The following TNS1 variants were observed in gnomAD, a reference collection of about 807,000 sequenced individuals.
TNS1 encodes the protein tensin 1.
A neutral mutation model predicts 168.6 loss-of-function variants in TNS1; 62 were observed. That is an observed-to-expected ratio of 0.37 (90% confidence interval 0.30 to 0.45). The LOEUF (loss-of-function observed/expected upper bound fraction) is 0.45. Among genes scored for constraint, TNS1 ranks in the 20% least tolerant of loss-of-function variants. The probability of loss-of-function intolerance (pLI) is 1.00; values close to 1 mark genes in which losing one functional copy is unlikely to be tolerated. For missense variants in TNS1, 2,240 were observed against 2,339.4 expected (o/e 0.96, Z 0.88); for synonymous variants, 934 against 933.2 (o/e 1.00, Z -0.02).
chr2:217,997,383 G>T (rs1282166421), intron 1 of TNS1, among the ~76,000 whole-genome samples: 1 of 152,126 alleles, frequency 6.6e-6, no homozygotes, highest in Non-Finnish European at 1.5e-5. Context: ...ATCCTGAACT[G>T]CCTTTAGTGG....
intron 1 of TNS1, among the ~76,000 whole-genome samples, chr2:218,002,591 T>A (rs918190528): frequency 9.5e-4 from 4 of 4,194 alleles, no homozygotes; most frequent in Admixed American, 6.4e-3. Flanking sequence ...CATTGGGGGG[T>A]GGGGGGGTGG....
chr2:217,803,436 G>C lies in TNS1; in HGVS notation c.*1023C>G, dbSNP rs1209343909. 2 of 152,372 alleles carry C rather than the reference G, an allele frequency of 1.3e-5. No homozygotes were observed. Among genetic ancestry groups the C allele is most frequent in the Non-Finnish European group, 2.9e-5 (2 of 68,164 alleles). 9.4% of individuals were successfully genotyped at this position (152,372 alleles called of 1,614,324 possible). A position where few individuals can be genotyped will look rare whatever the true frequency, so the allele number is the denominator to read the frequency against. The stretch of plus-strand genomic sequence containing the variant: ...AAGGCAGAGTCCAGGGCCCCAGCAG[G>C]AGCAACTTGCCTTTCTTGCTGCTGA... On this transcript the variant is annotated 3_prime_UTR_variant, in exon 33 of 33. Transcript: ENST00000682258.
At chr2:217,850,879 G>A (rs542129723) in intron 18 of TNS1, among the ~76,000 whole-genome samples, 6 of 152,202 alleles carry the variant, frequency 3.9e-5, no homozygotes, top group South Asian at 4.2e-4. Context: ...AGTGACCACC[G>A]TGCAGTGAGC....
chr2:217,909,060 C>G (rs1382432215), intron 4 of TNS1, among the ~76,000 whole-genome samples: 1 of 148,984 alleles, frequency 6.7e-6, no homozygotes, highest in Non-Finnish European at 1.5e-5. Flanking sequence ...GCCAACAACC[C>G]AGCCCCACCC....
chr2:217,920,986 A>G (rs1575084811), intron 3 of TNS1, among the ~76,000 whole-genome samples: 2 of 110,212 alleles, frequency 1.8e-5, no homozygotes, highest in South Asian at 6.8e-4. Flanking sequence ...AGTAGAGGGG[A>G]GGGAGGGAGA....
rs1476320981 is a variant in TNS1, at chr2:217,995,576, T to C, written c.34-4520A>G. 6.6e-6 allele frequency among the ~76,000 whole-genome samples: 1 copy of C among 152,118 alleles called. No homozygotes were observed. ...GAGGATGTAAACAAGCCCCAAAAAG[T>C]GCAAAGTGCTTTTCAAGGGTAGTGG... On this transcript the variant is annotated intron_variant, in intron 1 of 32. Coordinates refer to ENST00000682258, the MANE Select transcript of TNS1 (RefSeq NM_001387777.1). The surrounding 1 kb of genome is among the most constrained non-coding windows in gnomAD (Gnocchi z 4.1).
chr2:218,016,402 C>T (rs994546610), intron 1 of TNS1, among the ~76,000 whole-genome samples: 2 of 152,180 alleles, frequency 1.3e-5, no homozygotes, highest in Admixed American at 1.3e-4. Context: ...ACTTCAGGTC[C>T]ATCTATCCAG....
In TNS1 at chr2:217,951,293, A is replaced by G. The variant is rs376804197; in HGVS notation, c.186+27472T>C. The stretch of plus-strand genomic sequence containing the variant: ...CTCCCCAGACATTCTCCTCCTTCAA[A>G]GAAGCCGTCACCACCCCCATCCCAG... On this transcript the variant is annotated intron_variant, in intron 3 of 32. Coordinates refer to ENST00000682258, the MANE Select transcript of TNS1 (RefSeq NM_001387777.1). 7.9e-5 allele frequency among the ~76,000 whole-genome samples: 12 copies of G among 152,256 alleles called. No individual in the cohort carries two copies. In the South Asian group the frequency reaches 1.5e-3, roughly 18 times the overall value.
Position 217,911,106 on chromosome 2 carries a change from C to T in TNS1, c.229-3855G>A, listed in dbSNP as rs879712686. Among the ~76,000 whole-genome samples the T allele has an allele frequency of 6.6e-5, 10 of 152,290 alleles. No homozygotes were observed. In the East Asian group the frequency reaches 9.7e-4, roughly 15 times the overall value. On this transcript the variant is annotated intron_variant, in intron 4 of 32. Transcript: ENST00000682258. ...ACAGACAGACCCCTATGTCTGTCTC[C>T]ACCCACTGCCCAGTCCCAGGACAAA...
In TNS1 at chr2:217,919,848, C is replaced by T. The variant is rs577314338; in HGVS notation, c.228+347G>A. Among the ~76,000 whole-genome samples, 6 of 152,298 alleles carry T rather than the reference C, an allele frequency of 3.9e-5. No individual in the cohort carries two copies. The South Asian group carries it at 6.2e-4, about 16-fold the overall frequency. ...GCCTCCAGCCCCAGGGTGCCTGACC[C>T]GGGACCAGGCAGGCAGAAGGAGATG... On this transcript the variant is annotated intron_variant, in intron 4 of 32. Transcript: ENST00000682258.
intron 2 of TNS1, 140 bp downstream of exon 2, chr2:217,990,802 A>T (rs1179965868): frequency 3.2e-6 from 1 of 312,734 alleles, no homozygotes; most frequent in African/African-American, 2.2e-5. Flanking sequence ...TGAGCTCAGC[A>T]TCCTCCACCA....
chr2:217,891,093 A>G (rs545501962), intron 11 of TNS1, 48 bp from the exon 12 acceptor site: 49 of 1,601,940 alleles, frequency 3.1e-5, no homozygotes, highest in Non-Finnish European at 3.7e-5. Flanking sequence ...TGCATCCAAG[A>G]GCCGCTTGTT....
rs1170588432 is a variant in TNS1, at chr2:217,818,548, G to T, written c.3784C>A (p.Pro1262Thr). ...AACTGAGCTCGAGCCTGGCTTTCCG[G>T]AGAGGAGCTGAAATGCTGAAGTGAG... ...DYSLQHFSSS[P>T]ESQARAQFSV... is the part of the protein sequence containing the mutation. The change falls in exon 24 of 33, where the codon CCG becomes ACG. Residue 1262 changes from proline to threonine, a missense_variant. Around this residue, in one of 2 missense-constraint regions of TNS1, gnomAD observed 2,131 missense variants for 2,171.2 expected, o/e 0.98. Coordinates refer to ENST00000682258, the MANE Select transcript of TNS1 (RefSeq NM_001387777.1). 8.1e-6 allele frequency: 13 copies of T among 1,614,078 alleles called. No individual in the cohort carries two copies. Among genetic ancestry groups the T allele is most frequent in the Non-Finnish European group, 1.1e-5 (13 of 1,180,006 alleles).
At chr2:218,007,205 C>T (rs1356755359), upstream of TNS1, among the ~76,000 whole-genome samples, 1 of 152,218 alleles carries the variant, frequency 6.6e-6, no homozygotes, top group East Asian at 1.9e-4. Flanking sequence ...AAGCACTCAG[C>T]TCCTGGACCT....
At chr2:217,907,109 C>T in intron 5 of TNS1, 101 bp downstream of exon 5, 1 of 673,146 alleles carries the variant, frequency 1.5e-6, no homozygotes, top group Non-Finnish European at 2.7e-6. Flanking sequence ...ATTTCCCCAA[C>T]CACATCTGTC....
chr2:217,865,393 A>G (rs1388748761), intron 18 of TNS1, among the ~76,000 whole-genome samples: 1 of 152,182 alleles, frequency 6.6e-6, no homozygotes, highest in Non-Finnish European at 1.5e-5. Context: ...TTTGCATCAC[A>G]TGAGGAGCGC....
rs146733219 is a variant in TNS1, at chr2:217,976,681, C to T, written c.186+2084G>A. On this transcript the variant is annotated intron_variant, in intron 3 of 32. Coordinates refer to ENST00000682258, the MANE Select transcript of TNS1 (RefSeq NM_001387777.1). Reference sequence around the variant, plus strand: ...CCCAAAAAGTCATCTTTGCCATTTGCCTGTTCCCATGCACAAGGCTACTGC... The same window carrying T: ...CCCAAAAAGTCATCTTTGCCATTTGTCTGTTCCCATGCACAAGGCTACTGC... 1.1e-4 allele frequency among the ~76,000 whole-genome samples: 16 copies of T among 152,212 alleles called. 1 individual carries two copies. Among genetic ancestry groups the T allele is most frequent in the Non-Finnish European group, 2.1e-4 (14 of 68,048 alleles).
intron 3 of TNS1, 98 bp downstream of exon 3, chr2:217,978,667 G>C: frequency 1.5e-6 from 1 of 649,958 alleles, no homozygotes; most frequent in Non-Finnish European, 2.8e-6. Flanking sequence ...GACGCCCCGG[G>C]CACCGCCCCC....
chr2:217,975,329 A>G (rs1957867191), intron 3 of TNS1, among the ~76,000 whole-genome samples: 1 of 152,068 alleles, frequency 6.6e-6, no homozygotes, highest in African/African-American at 2.4e-5. Context: ...TGACCCCCCA[A>G]AACATTTATT....
Sources: allele counts gnomAD v4.1 joint callset (sites outside exome capture counted in the v4.1 genomes callset), GRCh38; gene constraint gnomAD v4.1.1; regional missense constraint gnomAD v4.1.1; non-coding constraint Gnocchi (gnomAD v3.1); transcripts MANE v1.5; gene names NCBI Gene and HGNC (gene_info 2026-07-23, HGNC 2026-07-21).